Variants in ACTR3C observed in about 807,000 individuals in gnomAD.
ACTR3C encodes the protein actin related protein 3C.
A neutral mutation model predicts 26.3 loss-of-function variants in ACTR3C; 18 were observed. The ratio of observed to expected loss-of-function variants is 0.68; its 90% CI spans 0.47 to 1.01. The LOEUF is 1.01. Among genes scored for constraint, ACTR3C ranks in the 50% least tolerant of loss-of-function variants. The pLI, the probability that ACTR3C is intolerant of heterozygous loss-of-function variation, is 0.00. For synonymous variants in ACTR3C, 55 were observed against 94.5 expected (o/e 0.58, Z 2.42); for missense variants, 184 against 250.7 (o/e 0.73, Z 1.80).
the ACTR3C span, among the ~76,000 whole-genome samples, chr7:149,907,478 T>TTCTCTTCTCTTCTCTTCTCTCTCTCTCTC: frequency 4.1e-5 from 4 of 97,606 alleles, no homozygotes; most frequent in Non-Finnish European, 8.4e-5. Context: ...CTCTCTTCTC[T>TTCTCTTCTCTTCTCTTCTCTCTCTCTCTC]TCTCTCTCTC....
the ACTR3C span, among the ~76,000 whole-genome samples, chr7:150,126,081 C>T: frequency 3.3e-5 from 5 of 152,184 alleles, no homozygotes; most frequent in African/African-American, 7.2e-5. Context: ...TGTCAACAAA[C>T]GGACCCTGAA....
At chr7:150,128,076 A>G in the ACTR3C span, among the ~76,000 whole-genome samples, 1 of 142,504 alleles carries the variant, frequency 7.0e-6, no homozygotes, top group African/African-American at 2.8e-5. Flanking sequence ...AAAAAGTTGC[A>G]ATTTACTAAG....
chr7:149,971,508 G>A, the ACTR3C span, among the ~76,000 whole-genome samples: 3 of 152,086 alleles, frequency 2.0e-5, no homozygotes, highest in Admixed American at 6.6e-5. Flanking sequence ...TCTCTAATGC[G>A]ACTACTTTTT....
At chr7:150,106,283 C>G in the ACTR3C span, among the ~76,000 whole-genome samples, 988 of 149,884 alleles carry the variant, frequency 6.6e-3, 14 homozygotes, top group African/African-American at 0.023. Context: ...TAAAAATTAG[C>G]CCTTGGGTAA....
chr7:150,309,193 A>G (rs1796068840), intron 1 of ACTR3C, among the ~76,000 whole-genome samples: 1 of 152,102 alleles, frequency 6.6e-6, no homozygotes, highest in Non-Finnish European at 1.5e-5. Context: ...TTGAAGGGCT[A>G]AAAAAGGCAG....
At chr7:149,973,240 G>A in the ACTR3C span, among the ~76,000 whole-genome samples, 117 of 152,318 alleles carry the variant, frequency 7.7e-4, 1 homozygote, top group East Asian at 0.02. Context: ...AGGAGCACAC[G>A]GGTCACTCTC....
chr7:150,223,531 GT>G, the ACTR3C span, among the ~76,000 whole-genome samples: 1 of 151,904 alleles, frequency 6.6e-6, no homozygotes, highest in Non-Finnish European at 1.5e-5. Flanking sequence ...TTCCCAAGAC[GT>G]TAGTACAATT....
chr7:150,278,737 G>T (rs1234036568), intron 6 of ACTR3C, among the ~76,000 whole-genome samples: 1 of 152,184 alleles, frequency 6.6e-6, no homozygotes, highest in Non-Finnish European at 1.5e-5. Flanking sequence ...CATGCCATTT[G>T]GGGATTTATC....
the ACTR3C span, among the ~76,000 whole-genome samples, chr7:150,032,111 G>C: frequency 6.6e-6 from 1 of 152,198 alleles, no homozygotes; most frequent in Non-Finnish European, 1.5e-5. Context: ...CCTTGCAGCT[G>C]CTGCTCATCA....
chr7:150,064,245 C>A, the ACTR3C span, among the ~76,000 whole-genome samples: 1 of 146,686 alleles, frequency 6.8e-6, no homozygotes, highest in African/African-American at 2.5e-5. Flanking sequence ...AGCTCAGTTT[C>A]TTCCACTTTC....
chr7:150,004,123 G>A, the ACTR3C span, among the ~76,000 whole-genome samples: 1 of 151,624 alleles, frequency 6.6e-6, no homozygotes, highest in South Asian at 2.1e-4. Flanking sequence ...GATGTGGTAT[G>A]TAAGTTGTGT....
the ACTR3C span, among the ~76,000 whole-genome samples, chr7:149,983,291 T>C: frequency 6.6e-6 from 1 of 151,284 alleles, no homozygotes; most frequent in Non-Finnish European, 1.5e-5. Flanking sequence ...AAAGAAAACA[T>C]ACAAATGGCC....
At chr7:150,298,151 A>G (rs1293842559) in intron 1 of ACTR3C, among the ~76,000 whole-genome samples, 1 of 150,972 alleles carries the variant, frequency 6.6e-6, no homozygotes, top group East Asian at 1.9e-4. Flanking sequence ...ACATGTGGCA[A>G]TACCAACCTG....
chr7:149,978,580 T>A, the ACTR3C span, among the ~76,000 whole-genome samples: 1 of 152,210 alleles, frequency 6.6e-6, no homozygotes, highest in African/African-American at 2.4e-5. Flanking sequence ...ATATTTCATA[T>A]GTATGTCCCA....
chr7:150,002,601 C>T, the ACTR3C span: 2 of 152,170 alleles, frequency 1.3e-5, no homozygotes, highest in Admixed American at 6.5e-5. Context: ...CTAACTGGCC[C>T]GAGGATGATC....
chr7:150,023,340 T>TACATACATACATAG, the ACTR3C span, among the ~76,000 whole-genome samples: 2 of 93,486 alleles, frequency 2.1e-5, no homozygotes, highest in Admixed American at 1.2e-4. Context: ...CATACATACA[T>TACATACATACATAG]ATATATTTTA....
At chr7:150,259,194 T>C (rs1187923823) in intron 6 of ACTR3C, among the ~76,000 whole-genome samples, 1 of 143,272 alleles carries the variant, frequency 7.0e-6, no homozygotes, top group African/African-American at 2.6e-5. Context: ...AATGAGAATC[T>C]CAGAAGCTAT....
chr7:150,275,889 T>G (rs1178406782), intron 6 of ACTR3C, among the ~76,000 whole-genome samples: 1 of 152,136 alleles, frequency 6.6e-6, no homozygotes, highest in African/African-American at 2.4e-5. Flanking sequence ...CCTCCTCCCT[T>G]CAACCCCGTC....
chr7:150,051,140 G>T, the ACTR3C span, among the ~76,000 whole-genome samples: 1 of 148,112 alleles, frequency 6.8e-6, no homozygotes, highest in Non-Finnish European at 1.5e-5. Context: ...TACCTCGTGT[G>T]TATGTGCATG....
Sources: allele counts gnomAD v4.1 joint callset (sites outside exome capture counted in the v4.1 genomes callset), GRCh38; gene constraint gnomAD v4.1.1; transcripts MANE v1.5; gene names NCBI Gene and HGNC (gene_info 2026-07-23, HGNC 2026-07-21).